Variants in SNTB2 observed in about 807,000 individuals in gnomAD.
SNTB2 encodes the protein beta-2-syntrophin.
In SNTB2, 34 loss-of-function variants were observed where a neutral mutation model predicts 46.2. The ratio of observed to expected loss-of-function variants is 0.74; its 90% confidence interval spans 0.56 to 0.98. The LOEUF (loss-of-function observed/expected upper bound fraction) is 0.98. Among genes scored for constraint, SNTB2 ranks in the 50% least tolerant of loss-of-function variants. The pLI, the probability that SNTB2 is intolerant of heterozygous loss-of-function variation, is 0.00. For missense variants in SNTB2, 603 were observed against 731.4 expected, an observed-to-expected ratio of 0.82 and a Z score of 2.02; for synonymous variants, 290 against 312.6, an observed-to-expected ratio of 0.93 and a Z score of 0.76.
At chr16:69,277,348 C>G (rs1263241485) in intron 4 of SNTB2, among the ~76,000 whole-genome samples, 1 of 152,050 alleles carries the variant, frequency 6.6e-6, no homozygotes, top group African/African-American at 2.4e-5. Flanking sequence ...ATTTTTTTAT[C>G]TTTTATAATG....
At chr16:69,232,344 T>A (rs770060605) in intron 1 of SNTB2, among the ~76,000 whole-genome samples, 113 of 151,186 alleles carry the variant, frequency 7.5e-4, no homozygotes, top group Non-Finnish European at 1.2e-3. Context: ...TAAGTGGGAC[T>A]ACAGGTGCCT....
chr16:69,250,417 C>G (rs565697558), intron 2 of SNTB2, among the ~76,000 whole-genome samples: 1 of 152,172 alleles, frequency 6.6e-6, no homozygotes, highest in East Asian at 1.9e-4. Flanking sequence ...TTGCATTTCC[C>G]CTGTATAAAA....
At chr16:69,272,692 G>C (rs920278836) in intron 4 of SNTB2, among the ~76,000 whole-genome samples, 2 of 151,672 alleles carry the variant, frequency 1.3e-5, no homozygotes, top group Non-Finnish European at 2.9e-5. Context: ...AGGAGCTCGA[G>C]ACCAGCCTGA....
intron 1 of SNTB2, among the ~76,000 whole-genome samples, chr16:69,200,935 C>T (rs1032734468): frequency 9.9e-5 from 15 of 152,206 alleles, no homozygotes; most frequent in African/African-American, 3.6e-4. Flanking sequence ...GGGGTAATGG[C>T]AGAAGACTGC....
chr16:69,274,188 C>A (rs921076913), intron 4 of SNTB2, among the ~76,000 whole-genome samples: 1 of 150,370 alleles, frequency 6.7e-6, no homozygotes, highest in Admixed American at 6.6e-5. Context: ...GGCATATGCC[C>A]GTAATCCCAG....
At chr16:69,244,519 C>T (rs540769343) in intron 1 of SNTB2, among the ~76,000 whole-genome samples, 35 of 152,274 alleles carry the variant, frequency 2.3e-4, no homozygotes, top group Admixed American at 2.2e-3. Context: ...CCACTGTGCC[C>T]AGCCAGTTTG....
At chr16:69,217,663 T>A (rs1292965877) in intron 1 of SNTB2, among the ~76,000 whole-genome samples, 2 of 152,190 alleles carry the variant, frequency 1.3e-5, no homozygotes, top group Non-Finnish European at 2.9e-5. Context: ...GATTTTATGC[T>A]ATCTTAAAAA....
chr16:69,264,784 G>A (rs550564276), intron 3 of SNTB2, among the ~76,000 whole-genome samples: 4 of 152,080 alleles, frequency 2.6e-5, no homozygotes, highest in Non-Finnish European at 5.9e-5. Flanking sequence ...CCTACTCTTT[G>A]ACAGCCTTAT....
At chr16:69,235,577 C>T (rs1349205669) in intron 1 of SNTB2, 16 of 645,810 alleles carry the variant, frequency 2.5e-5, no homozygotes, top group Non-Finnish European at 2.9e-5. Context: ...GAAATGAGAC[C>T]AAAGTGGGGG....
chr16:69,187,804 T>A (rs1283355011), intron 1 of SNTB2, 58 bp downstream of exon 1: 12 of 1,300,198 alleles, frequency 9.2e-6, no homozygotes, highest in Non-Finnish European at 1.2e-5. Flanking sequence ...TCGCGGGAGC[T>A]CACTTTGTTC....
intron 1 of SNTB2, among the ~76,000 whole-genome samples, chr16:69,242,284 G>A (rs927885406): frequency 6.6e-6 from 1 of 152,104 alleles, no homozygotes; most frequent in African/African-American, 2.4e-5. Context: ...AAGTTAGCCA[G>A]ATGTGTCGGT....
At position 69,247,803 on chromosome 16, in the gene SNTB2, C is replaced by T. The variant is rs372488778; in HGVS notation, c.794+1988C>T. On this transcript the variant is annotated intron_variant, in intron 2 of 6. Transcript: ENST00000336278. ...GAGCCAAGCACATATAGTAGGTTCT[C>T]AAGAAATAGTATGTTTAAAAAGTCT... 2.6e-5 allele frequency among the ~76,000 whole-genome samples: 4 copies of T among 152,248 alleles called. No individual in the cohort carries two copies. In the East Asian group the frequency reaches 7.7e-4, roughly 29 times the overall value.
At chr16:69,191,575 AAAAGC>A (rs1293943222) in intron 1 of SNTB2, among the ~76,000 whole-genome samples, 2 of 144,126 alleles carry the variant, frequency 1.4e-5, no homozygotes, top group African/African-American at 2.6e-5. Context: ...AAAAAAAAAA[AAAAGC>A]AAAGCCAGTA....
intron 5 of SNTB2, among the ~76,000 whole-genome samples, chr16:69,294,755 C>G (rs1305445247): frequency 4.0e-5 from 6 of 151,812 alleles, no homozygotes; most frequent in Non-Finnish European, 8.8e-5. Context: ...ATAAAAGCAC[C>G]TACCGCAGAG....
chr16:69,250,773 G>C (rs1268810978), intron 2 of SNTB2, among the ~76,000 whole-genome samples: 1 of 151,906 alleles, frequency 6.6e-6, no homozygotes, highest in Non-Finnish European at 1.5e-5. Context: ...CTACTCAAGA[G>C]GCTGAGGCAT....
chr16:69,280,600 ACCTC>A (rs1319382767), intron 4 of SNTB2, among the ~76,000 whole-genome samples: 3 of 122,748 alleles, frequency 2.4e-5, no homozygotes, highest in Non-Finnish European at 5.0e-5. Context: ...TGAACCCCCC[ACCTC>A]CCTCCCGGAC....
At chr16:69,266,686 T>C (rs530802138) in intron 3 of SNTB2, among the ~76,000 whole-genome samples, 3 of 152,204 alleles carry the variant, frequency 2.0e-5, no homozygotes, top group Non-Finnish European at 4.4e-5. Flanking sequence ...ATCTCTCTCT[T>C]ATAACTTAAG....
chr16:69,249,071 G>T (rs1235138979), intron 2 of SNTB2, among the ~76,000 whole-genome samples: 1 of 149,040 alleles, frequency 6.7e-6, no homozygotes, highest in Non-Finnish European at 1.5e-5. Context: ...CCTCGCCTAG[G>T]CTAGAGTACA....
At chr16:69,270,407 G>C in intron 4 of SNTB2, 122 bp downstream of exon 4, 1 of 1,204,538 alleles carries the variant, frequency 8.3e-7, no homozygotes, top group Non-Finnish European at 1.1e-6. Flanking sequence ...GGATATAGTT[G>C]ATGCAGACAA....
Sources: allele counts gnomAD v4.1 joint callset (sites outside exome capture counted in the v4.1 genomes callset), GRCh38; gene constraint gnomAD v4.1.1; transcripts MANE v1.5; gene names NCBI Gene and HGNC (gene_info 2026-07-23, HGNC 2026-07-21).